The following BABAM2 variants were observed in gnomAD, a reference collection of about 807,000 sequenced individuals.
BABAM2 encodes BRISC and BRCA1-A complex member 2.
Under a neutral mutation model 54.7 loss-of-function variants are expected in BABAM2, and 31 were observed. The observed-to-expected ratio is 0.57, with a 90% CI of 0.43 to 0.77. The LOEUF (loss-of-function observed/expected upper bound fraction) is 0.77. Ranked by LOEUF, BABAM2 falls within the 30% of genes least tolerant of loss-of-function variation. The pLI, the probability that BABAM2 is intolerant of heterozygous loss-of-function variation, is 0.00. For synonymous variants in BABAM2, 167 were observed against 162.9 expected (o/e 1.03, Z -0.19); for missense variants, 364 against 455.8 (o/e 0.80, Z 1.83).
At chr2:27,925,511 C>G (rs924130984) in intron 2 of BABAM2, among the ~76,000 whole-genome samples, 4 of 152,176 alleles carry the variant, frequency 2.6e-5, no homozygotes, top group Admixed American at 2.6e-4. Context: ...ACTGAGAAAC[C>G]TGGTGAGACC....
chr2:28,026,776 A>T (rs1344620638), intron 5 of BABAM2, among the ~76,000 whole-genome samples: 59 of 97,150 alleles, frequency 6.1e-4, no homozygotes, highest in Middle Eastern at 9.2e-3. Flanking sequence ...TAAATATATA[A>T]AAAAATATAA....
rs535544678 is a variant in BABAM2, at chr2:28,102,586, C to G, written c.571-26685C>G. Among the ~76,000 whole-genome samples, 10 of 152,334 alleles carry G rather than the reference C, an allele frequency of 6.6e-5. No individual in the cohort carries two copies. In the East Asian group the frequency reaches 1.3e-3, roughly 21 times the overall value. ...AGAGCAGATGTTTTGGTTGGAAAGGCTATCAGCCATCTGACTCATAATAAA... is the reference window on the plus strand; with the variant it reads ...AGAGCAGATGTTTTGGTTGGAAAGGGTATCAGCCATCTGACTCATAATAAA... On this transcript the variant is annotated intron_variant, in intron 6 of 11. Transcript: ENST00000379624.
chr2:27,983,954 T>TTTTTTTTTTTTTTTTTTTTTTTTTTTA (rs1672210552), intron 3 of BABAM2, among the ~76,000 whole-genome samples: 1 of 140,628 alleles, frequency 7.1e-6, no homozygotes, highest in Non-Finnish European at 1.6e-5. Context: ...TTTTTTTTTT[T>TTTTTTTTTTTTTTTTTTTTTTTTTTTA]TTTTTTTGCC....
intron 6 of BABAM2, among the ~76,000 whole-genome samples, chr2:28,112,173 CCCTCCCTCCCTCCCTCCCTCCCTCCCTT>C (rs1558347043): frequency 1.4e-4 from 5 of 35,362 alleles, no homozygotes; most frequent in Non-Finnish European, 1.6e-4. Flanking sequence ...CTCCCTCCCT[CCCTCCCTCCCTCCCTCCCTCCCTCCCTT>C]CCTTCCTTCC....
intron 6 of BABAM2, among the ~76,000 whole-genome samples, chr2:28,107,391 A>G (rs1043509330): frequency 4.1e-4 from 63 of 152,218 alleles, no homozygotes; most frequent in African/African-American, 1.5e-3. Flanking sequence ...AAGTTCCTTA[A>G]CTAAAATGCA....
chr2:28,320,715 C>A (rs923147208), intron 11 of BABAM2, among the ~76,000 whole-genome samples: 2 of 152,218 alleles, frequency 1.3e-5, no homozygotes, highest in South Asian at 4.1e-4. Context: ...AGCCTTAGCC[C>A]TCAGTGGCTG....
chr2:27,947,598 C>T (rs1265149304), intron 3 of BABAM2, among the ~76,000 whole-genome samples: 1 of 152,046 alleles, frequency 6.6e-6, no homozygotes, highest in Non-Finnish European at 1.5e-5. Flanking sequence ...ATTTAGGTTA[C>T]AAGTTTTTTA....
rs183769616 is a variant in BABAM2 at position 28,121,467 on chromosome 2, C to T, written c.571-7804C>T. ...GATTTTATTTCATTCCTACCATATT[C>T]CTACCATAACACATTGTGATGTCTT... On this transcript the variant is annotated intron_variant, in intron 6 of 11. Coordinates refer to ENST00000379624, the MANE Select transcript of BABAM2 (RefSeq NM_199191.3). Among the ~76,000 whole-genome samples, 342 of 152,286 alleles carry T rather than the reference C, an allele frequency of 2.2e-3. 6 individuals are homozygous for T. The highest frequency in any genetic ancestry group is 1.8e-3 in the Non-Finnish European group (123 of 68,022).
intron 2 of BABAM2, among the ~76,000 whole-genome samples, chr2:27,897,409 A>G (rs1665421159): frequency 6.6e-6 from 1 of 152,212 alleles, no homozygotes. Flanking sequence ...CAATTTCATT[A>G]ATCAAATACT....
At chr2:27,909,655 C>T (rs540068929) in intron 2 of BABAM2, among the ~76,000 whole-genome samples, 1 of 152,216 alleles carries the variant, frequency 6.6e-6, no homozygotes, top group East Asian at 1.9e-4. Flanking sequence ...TGCTTTCTTC[C>T]CTAGAAAGGT....
intron 3 of BABAM2, among the ~76,000 whole-genome samples, chr2:27,979,117 C>T (rs1050768883): frequency 1.3e-5 from 2 of 151,698 alleles, no homozygotes; most frequent in Non-Finnish European, 2.9e-5. Context: ...AACCTCCACC[C>T]CCTGGATTCA....
At chr2:28,335,730 G>T (rs1691392391) in intron 11 of BABAM2, among the ~76,000 whole-genome samples, 2 of 152,192 alleles carry the variant, frequency 1.3e-5, no homozygotes, top group Non-Finnish European at 2.9e-5. Context: ...GGGGAGACTT[G>T]ATGGAAGCAG....
intron 6 of BABAM2, among the ~76,000 whole-genome samples, chr2:28,090,024 C>T (rs1220791204): frequency 6.6e-6 from 1 of 152,042 alleles, no homozygotes; most frequent in African/African-American, 2.4e-5. Flanking sequence ...GACAAGTTAG[C>T]AGAGCACAGA....
intron 4 of BABAM2, among the ~76,000 whole-genome samples, chr2:27,991,702 T>G (rs1402700463): frequency 6.6e-6 from 1 of 152,238 alleles, no homozygotes; most frequent in Non-Finnish European, 1.5e-5. Context: ...TTGTTTTCAA[T>G]GAAGCATGTA....
intron 2 of BABAM2, among the ~76,000 whole-genome samples, chr2:27,912,320 T>C (rs1226071157): frequency 6.6e-6 from 1 of 152,102 alleles, no homozygotes; most frequent in East Asian, 1.9e-4. Flanking sequence ...TAACTAAAAC[T>C]AGTGATATAA....
At chr2:27,940,064 C>A (rs1668764068) in intron 3 of BABAM2, among the ~76,000 whole-genome samples, 1 of 152,236 alleles carries the variant, frequency 6.6e-6, no homozygotes, top group East Asian at 1.9e-4. Flanking sequence ...AAGAGAAGTC[C>A]TTGAATCTCA....
intron 7 of BABAM2, among the ~76,000 whole-genome samples, chr2:28,235,083 A>C (rs1385283533): frequency 6.6e-6 from 1 of 152,254 alleles, no homozygotes; most frequent in Non-Finnish European, 1.5e-5. Flanking sequence ...GAAAAAGTCA[A>C]TACTGAATAT....
intron 7 of BABAM2, among the ~76,000 whole-genome samples, chr2:28,215,089 G>C (rs927404485): frequency 3.3e-5 from 5 of 152,114 alleles, no homozygotes; most frequent in African/African-American, 1.2e-4. Context: ...ACTTCTGCGT[G>C]TGTGTTTGTG....
chr2:28,136,268 C>G (rs937306513), intron 7 of BABAM2, among the ~76,000 whole-genome samples: 5 of 152,238 alleles, frequency 3.3e-5, no homozygotes, highest in African/African-American at 1.2e-4. Context: ...GGAACATTTC[C>G]TGACCGCCAC....
Sources: allele counts gnomAD v4.1 joint callset (sites outside exome capture counted in the v4.1 genomes callset), GRCh38; gene constraint gnomAD v4.1.1; transcripts MANE v1.5; gene names NCBI Gene and HGNC (gene_info 2026-07-23, HGNC 2026-07-21).